Variants in ZNRF3 observed in about 807,000 individuals in gnomAD.
ZNRF3 encodes the protein zinc and ring finger 3.
A neutral mutation model predicts 72.5 loss-of-function variants in ZNRF3; 23 were observed. That is an observed-to-expected ratio of 0.32 (90% CI 0.23 to 0.45). The LOEUF (loss-of-function observed/expected upper bound fraction) is 0.45. Among genes scored for constraint, ZNRF3 ranks in the 20% least tolerant of loss-of-function variants. The probability of loss-of-function intolerance (pLI) is 1.00; values close to 1 mark genes in which losing one functional copy is unlikely to be tolerated. For missense variants in ZNRF3, 1,169 were observed against 1,272.1 expected (o/e 0.92, Z 1.23); for synonymous variants, 610 against 545.3 (o/e 1.12, Z -1.65).
intron 1 of ZNRF3, among the ~76,000 whole-genome samples, chr22:28,974,803 A>AT (rs1405567592): frequency 1.3e-5 from 2 of 151,922 alleles, no homozygotes; most frequent in Non-Finnish European, 2.9e-5. Flanking sequence ...ATGCCACCTA[A>AT]TTTTTTAATT....
At chr22:28,905,792 T>C (rs2123756573) in intron 1 of ZNRF3, among the ~76,000 whole-genome samples, 1 of 152,344 alleles carries the variant, frequency 6.6e-6, no homozygotes, top group South Asian at 2.1e-4. Context: ...AATGAATGAA[T>C]ACACTATTCT....
At chr22:28,937,201 ATATATATATATATATTTTTT>A (rs1348196216) in intron 1 of ZNRF3, among the ~76,000 whole-genome samples, 5 of 4,414 alleles carry the variant, frequency 1.1e-3, no homozygotes, top group African/African-American at 2.4e-3. Flanking sequence ...ATATATATAT[ATATATATATATATATTTTTT>A]TTTTTTTTTT....
intron 1 of ZNRF3, among the ~76,000 whole-genome samples, chr22:28,902,219 G>T (rs547759373): frequency 7.1e-4 from 108 of 152,254 alleles, no homozygotes; most frequent in African/African-American, 2.5e-3. Flanking sequence ...TTACAGGTGT[G>T]AGCCACCGCG....
At chr22:28,896,830 C>T (rs778819776) in intron 1 of ZNRF3, among the ~76,000 whole-genome samples, 9 of 152,188 alleles carry the variant, frequency 5.9e-5, no homozygotes, top group Non-Finnish European at 1.2e-4. Context: ...GTGGTATCTT[C>T]AAGACAATGC....
chr22:29,044,961 C>T (rs368528053), intron 5 of ZNRF3, 71 bp downstream of exon 5: 13 of 1,090,342 alleles, frequency 1.2e-5, no homozygotes, highest in South Asian at 5.0e-5. Flanking sequence ...CCAGGACTCT[C>T]GTCACCTTAT....
intron 2 of ZNRF3, among the ~76,000 whole-genome samples, chr22:29,035,599 G>A (rs780314600): frequency 1.3e-5 from 2 of 152,196 alleles, no homozygotes; most frequent in African/African-American, 2.4e-5. Flanking sequence ...TTTTTGAGAC[G>A]GAGTCTCGCT....
intron 2 of ZNRF3, among the ~76,000 whole-genome samples, chr22:29,034,307 T>C (rs1026151559): frequency 2.0e-5 from 3 of 152,232 alleles, no homozygotes; most frequent in Non-Finnish European, 2.9e-5. Context: ...CTGATAACCA[T>C]CTCATTTAAA....
intron 2 of ZNRF3, among the ~76,000 whole-genome samples, chr22:29,038,373 G>A (rs2036901401): frequency 6.7e-6 from 1 of 149,512 alleles, no homozygotes; most frequent in Non-Finnish European, 1.5e-5. Context: ...GTCTCGCCCT[G>A]TCGCCCAGGC....
Position 29,049,664 on chromosome 22 carries a change from CCG to C in ZNRF3, c.1484_1485del (p.Pro495ArgfsTer71), listed in dbSNP as rs765717138. 1 of 1,609,058 alleles carries C rather than the reference CCG, an allele frequency of 6.2e-7. No homozygotes were observed. Among genetic ancestry groups the C allele is most frequent in the Non-Finnish European group, 8.5e-7 (1 of 1,179,356 alleles). On this transcript the variant is annotated frameshift_variant, in exon 8 of 9. Transcript: ENST00000544604. LOFTEE classifies it high-confidence loss of function. This position sits in a 1 kb window ranked among gnomAD's most constrained non-coding sequence, Gnocchi z 5.2. ...CCCACCTAGCCTCGCACCCCGGGGC[CCG>C]GCCCGTGCCTTTCCTCCGAGCGGCA... Reference protein sequence around the residue: ...QSPPSLAPRGPARAFPPSGSG... With the variant: ...QSPPSLAPRGXARAFPPSGSG...
chr22:28,937,194 TATATATATATATATATATA>T (rs2034840600), intron 1 of ZNRF3, among the ~76,000 whole-genome samples: 2 of 3,396 alleles, frequency 5.9e-4, no homozygotes, highest in African/African-American at 9.7e-4. Flanking sequence ...TATATATATA[TATATATATATATATATATA>T]TATTTTTTTT....
chr22:28,897,444 TTGAG>T (rs1162775871), intron 1 of ZNRF3, among the ~76,000 whole-genome samples: 1 of 152,182 alleles, frequency 6.6e-6, no homozygotes, highest in African/African-American at 2.4e-5. Context: ...CCTTAGCCTC[TTGAG>T]TAGCTGGGAC....
chr22:29,005,182 C>T (rs2036219346), intron 2 of ZNRF3, among the ~76,000 whole-genome samples: 1 of 152,262 alleles, frequency 6.6e-6, no homozygotes, highest in African/African-American at 2.4e-5. Context: ...TGCTGCCTGC[C>T]CCAGCCAGGC....
intron 1 of ZNRF3, among the ~76,000 whole-genome samples, chr22:28,961,252 T>C (rs1210718089): frequency 6.6e-6 from 1 of 152,192 alleles, no homozygotes; most frequent in Admixed American, 6.5e-5. Flanking sequence ...GCCCCCCACC[T>C]CTTAATACCA....
chr22:29,029,604 AC>A (rs199565856), intron 2 of ZNRF3, among the ~76,000 whole-genome samples: 3,936 of 152,318 alleles, frequency 0.026, 82 homozygotes, highest in African/African-American at 0.057. Context: ...TTTTAAAATA[AC>A]TGCGAAACTT....
chr22:29,008,104 T>A (rs1371528065), intron 2 of ZNRF3, among the ~76,000 whole-genome samples: 1 of 152,114 alleles, frequency 6.6e-6, no homozygotes, highest in Non-Finnish European at 1.5e-5. Flanking sequence ...AAATTGTACC[T>A]CTCTCATTTG....
chr22:28,911,565 C>T (rs1337930151), intron 1 of ZNRF3, among the ~76,000 whole-genome samples: 1 of 152,240 alleles, frequency 6.6e-6, no homozygotes, highest in Non-Finnish European at 1.5e-5. Context: ...CACATGCCAA[C>T]TCTGGCCTTT....
Position 29,049,443 on chromosome 22 carries a change from C to T in ZNRF3, c.1262C>T (p.Pro421Leu). ...CCCGCCTACATCCGCAGCTACCCACCCCTCCACCTGGACCACAGCCTGGCC... is the reference window on the plus strand; with the variant it reads ...CCCGCCTACATCCGCAGCTACCCACTCCTCCACCTGGACCACAGCCTGGCC... ...QTPAYIRSYPPLHLDHSLAAH... is the reference protein window; with the variant it reads ...QTPAYIRSYPLLHLDHSLAAH... Residue 421 changes from proline (P) to leucine (L), a missense_variant, in exon 8 of 9, where the codon CCC becomes CTC. Around this residue, in one of 2 missense-constraint regions of ZNRF3, gnomAD observed 783 missense variants for 731.4 expected, o/e 1.07. Coordinates refer to ENST00000544604, the MANE Select transcript of ZNRF3 (RefSeq NM_001206998.2). The surrounding 1 kb of genome is among the most constrained non-coding windows in gnomAD (Gnocchi z 5.2). 6.2e-7 allele frequency: 1 copy of T among 1,605,814 alleles called. No homozygotes were observed.
chr22:28,907,381 G>A (rs2034230350), intron 1 of ZNRF3, among the ~76,000 whole-genome samples: 1 of 152,110 alleles, frequency 6.6e-6, no homozygotes, highest in African/African-American at 2.4e-5. Flanking sequence ...GCCTTGTGCT[G>A]TCCTTCAACT....
At chr22:28,965,796 G>T (rs917045935) in intron 1 of ZNRF3, among the ~76,000 whole-genome samples, 5 of 152,120 alleles carry the variant, frequency 3.3e-5, no homozygotes, top group African/African-American at 1.2e-4. Flanking sequence ...TAAGTCAAAG[G>T]CCCCAATTTA....
Sources: allele counts gnomAD v4.1 joint callset (sites outside exome capture counted in the v4.1 genomes callset), GRCh38; gene constraint gnomAD v4.1.1; regional missense constraint gnomAD v4.1.1; non-coding constraint Gnocchi (gnomAD v3.1); transcripts MANE v1.5; gene names NCBI Gene and HGNC (gene_info 2026-07-23, HGNC 2026-07-21).